FBXO41: variants seen among roughly 807,000 people sequenced by gnomAD.
FBXO41 encodes F-box protein 41, also known as F-box only protein 41.
A neutral mutation model predicts 81.6 loss-of-function variants in FBXO41; 33 were observed. That is an observed-to-expected ratio of 0.40 (90% CI 0.31 to 0.54). The LOEUF (loss-of-function observed/expected upper bound fraction) is 0.54. Ranked by LOEUF, FBXO41 falls within the 20% of genes least tolerant of loss-of-function variation. The pLI is 0.39. For missense variants in FBXO41, 1,107 were observed against 1,236.0 expected, an observed-to-expected ratio of 0.90 and a Z score of 1.56; for synonymous variants, 576 against 552.7, an observed-to-expected ratio of 1.04 and a Z score of -0.59.
rs1272961338 is a variant in FBXO41, at chr2:73,280,873, G to C, written c.-139+3287C>G. ...CAGTAGATATCAGTATGTTGTTAGA[G>C]GAATCACACTGAATAATGGAGAAAT... is the stretch of plus-strand genomic sequence containing the variant. On this transcript the variant is annotated intron_variant, in intron 1 of 12. Transcript: ENST00000520530. Among the ~76,000 whole-genome samples the C allele has an allele frequency of 3.9e-5, 6 of 152,182 alleles. 1 individual carries two copies. The highest frequency in any genetic ancestry group is 8.8e-5 in the Non-Finnish European group (6 of 68,034).
intron 1 of FBXO41, chr2:73,271,346 C>A (rs1386427754): frequency 5.2e-6 from 1 of 193,366 alleles, no homozygotes; most frequent in East Asian, 1.4e-4. Flanking sequence ...ATAGACCTGG[C>A]AAATCAGTCG....
At position 73,269,032 on chromosome 2, in the gene FBXO41, T is replaced by C. The variant is rs1688387923; in HGVS notation, c.599A>G (p.Glu200Gly). ...GCGGATCTTGAGGCGCGCCAGGCCC[T>C]CTTCGTAGGCCACATCAGCGGGTGA... ...SPSPADVAYE[E>G]GLARLKIRAL... The change falls in exon 2 of 13, where the codon GAG becomes GGG. Residue 200 changes from glutamate to glycine, a missense_variant. Glu to Gly is a moderately conservative substitution (Grantham distance 98). This residue lies in a region of FBXO41 where 771 missense variants were observed against 789.2 expected (regional missense o/e 0.98). Coordinates refer to ENST00000520530, the MANE Select transcript of FBXO41 (RefSeq NM_001371389.2). This position sits in a 1 kb window ranked among gnomAD's most constrained non-coding sequence, Gnocchi z 7.0. 1 of 1,537,206 alleles carries C rather than the reference T, an allele frequency of 6.5e-7. No homozygotes were observed. Among genetic ancestry groups the C allele is most frequent in the Non-Finnish European group, 8.7e-7 (1 of 1,145,986 alleles).
At chr2:73,271,421 G>A (rs1174680273) in intron 1 of FBXO41, 1 of 153,518 alleles carries the variant, frequency 6.5e-6, no homozygotes, top group Non-Finnish European at 1.4e-5. Context: ...AATGACTGAG[G>A]GAAAGCATTG....
chr2:73,264,360 A>G lies in FBXO41; in HGVS notation c.1724T>C (p.Val575Ala). 6.2e-7 allele frequency: 1 copy of G among 1,613,708 alleles called. No homozygotes were observed. The highest frequency in any genetic ancestry group is 8.5e-7 in the Non-Finnish European group (1 of 1,179,892). The stretch of plus-strand genomic sequence containing the variant: ...GGCCACGAAGCGCCAGTCCCGGCAG[A>G]CCTCGGCAGCATGCAGCAGTGTGCG... ...DTRTLLHAAE[V>A]CRDWRFVARH... is the part of the protein sequence containing the mutation. Residue 575 changes from valine (V) to alanine (A), a missense_variant, in exon 6 of 13, where the codon GTC becomes GCC. Transcript: ENST00000520530.
Position 73,260,905 on chromosome 2 carries a change from G to T in FBXO41, c.2172-47C>A. 6.8e-7 allele frequency: 1 copy of T among 1,480,204 alleles called. No homozygotes were observed. The highest frequency in any genetic ancestry group is 2.5e-5 in the East Asian group (1 of 40,346). The allele number at this position is 1,480,204 out of a possible 1,614,324, so 91.7% of individuals were successfully genotyped here. ...CCGTCAGGGAAGTCTCTGGATGCTTGATAACCCAGCATGCTCCTCCTGTGG... is the reference window on the plus strand; with the variant it reads ...CCGTCAGGGAAGTCTCTGGATGCTTTATAACCCAGCATGCTCCTCCTGTGG... On this transcript the variant is annotated intron_variant, in intron 9 of 12. Coordinates refer to ENST00000520530, the MANE Select transcript of FBXO41 (RefSeq NM_001371389.2). The surrounding 1 kb of genome is among the most constrained non-coding windows in gnomAD (Gnocchi z 5.0).
rs1688262681 is a variant in FBXO41, at chr2:73,266,061, G to C, written c.1132-95C>G. 9.3e-7 allele frequency: 1 copy of C among 1,071,272 alleles called. No homozygotes were observed. Among genetic ancestry groups the C allele is most frequent in the Non-Finnish European group, 1.4e-6 (1 of 719,420 alleles). The allele number at this position is 1,071,272 out of a possible 1,614,324, so 66.4% of individuals were successfully genotyped here. On this transcript the variant is annotated intron_variant, in intron 3 of 12. Transcript: ENST00000520530. The surrounding 1 kb of genome is among the most constrained non-coding windows in gnomAD (Gnocchi z 5.3). The stretch of plus-strand genomic sequence containing the variant: ...GGGAAACAGGGCAAAAGATGGAGAG[G>C]AGATGGGGGAGAGGAGAGAGAAGGG...
In FBXO41 at chr2:73,266,743, A is replaced by G. The variant is rs1338198130; in HGVS notation, c.906-61T>C. The G allele has an allele frequency of 2.2e-5, 32 of 1,480,772 alleles. No individual in the cohort carries two copies. The highest frequency in any genetic ancestry group is 2.8e-5 in the Non-Finnish European group (31 of 1,118,746). The allele number at this position is 1,480,772 out of a possible 1,614,324, so 91.7% of individuals were successfully genotyped here. A position where few individuals can be genotyped will look rare whatever the true frequency, so the allele number is the denominator to read the frequency against. ...GCCTGCCTGCCCACCCACCCTCTGG[A>G]GGAGAGCCTGGCCAGTGCGGGGAGA... On this transcript the variant is annotated intron_variant, in intron 2 of 12. Coordinates refer to ENST00000520530, the MANE Select transcript of FBXO41 (RefSeq NM_001371389.2). The surrounding 1 kb of genome is among the most constrained non-coding windows in gnomAD (Gnocchi z 5.3).
intron 9 of FBXO41, among the ~76,000 whole-genome samples, chr2:73,261,563 C>T (rs1688022036): frequency 6.6e-6 from 1 of 152,236 alleles, no homozygotes; most frequent in African/African-American, 2.4e-5. Context: ...GACATGGTCT[C>T]TACCCTCAAA....
chr2:73,283,872 C>A (rs1481943103), intron 1 of FBXO41, among the ~76,000 whole-genome samples: 1 of 152,118 alleles, frequency 6.6e-6, no homozygotes, highest in Non-Finnish European at 1.5e-5. Context: ...GGTCCAGAGT[C>A]CCAGTGGGGT....
intron 2 of FBXO41, among the ~76,000 whole-genome samples, chr2:73,268,506 G>C (rs1688362566): frequency 6.6e-6 from 1 of 152,128 alleles, no homozygotes; most frequent in African/African-American, 2.4e-5. Context: ...GAACGAGAAA[G>C]GCAGACTTCA....
chr2:73,263,192 C>T (rs1487786528), intron 9 of FBXO41, 21 bp downstream of exon 9: 2 of 1,550,012 alleles, frequency 1.3e-6, no homozygotes, highest in East Asian at 4.9e-5. Context: ...CCTCCTATCC[C>T]CCAAACCTGC....
Position 73,259,321 on chromosome 2 carries a change from G to T in FBXO41, c.2450-25C>A, listed in dbSNP as rs1687925991. 2 of 1,598,650 alleles carry T rather than the reference G, an allele frequency of 1.3e-6. No individual in the cohort carries two copies. Among genetic ancestry groups the T allele is most frequent in the Admixed American group, 1.7e-5 (1 of 59,972 alleles). Reference sequence around the variant, plus strand: ...CCTGAGAAAAGGTGAGCAAAGTAGGGGCGTGTTTGGCCTGGGCTGTGGAGC... The same window carrying T: ...CCTGAGAAAAGGTGAGCAAAGTAGGTGCGTGTTTGGCCTGGGCTGTGGAGC... On this transcript the variant is annotated intron_variant, in intron 11 of 12. Transcript: ENST00000520530. This position sits in a 1 kb window ranked among gnomAD's most constrained non-coding sequence, Gnocchi z 4.2.
chr2:73,270,659 C>T (rs1049513787), intron 1 of FBXO41, among the ~76,000 whole-genome samples: 1 of 152,124 alleles, frequency 6.6e-6, no homozygotes, highest in Admixed American at 6.5e-5. Flanking sequence ...ACCCCAAGGG[C>T]TTTATTATCC....
Position 73,260,958 on chromosome 2 carries a change from C to T in FBXO41, c.2172-100G>A, listed in dbSNP as rs150524078. On this transcript the variant is annotated intron_variant, in intron 9 of 12. Coordinates refer to ENST00000520530, the MANE Select transcript of FBXO41 (RefSeq NM_001371389.2). This position sits in a 1 kb window ranked among gnomAD's most constrained non-coding sequence, Gnocchi z 5.0. Reference sequence around the variant, plus strand: ...CCCCTCCCTGACTCAGGCAAGCATTCCTCCAACAACCCAGCAGGTCAAGTC... The same window carrying T: ...CCCCTCCCTGACTCAGGCAAGCATTTCTCCAACAACCCAGCAGGTCAAGTC... 2,061 of 931,904 alleles carry T rather than the reference C, an allele frequency of 2.2e-3. 64 individuals carry two copies. The East Asian group carries it at 0.042, about 19-fold the overall frequency. 57.7% of individuals were successfully genotyped at this position (931,904 alleles called of 1,614,324 possible). A position where few individuals can be genotyped will look rare whatever the true frequency, so the allele number is the denominator to read the frequency against.
Position 73,268,972 on chromosome 2 carries a change from TCCAGCCGCC to T in FBXO41, c.650_658del (p.Arg217_Glu220delinsGln). 1.3e-6 allele frequency: 2 copies of T among 1,538,124 alleles called. No individual in the cohort carries two copies. The highest frequency in any genetic ancestry group is 1.2e-5 in the South Asian group (1 of 84,008). On this transcript the variant is annotated inframe_deletion, in exon 2 of 13. Coordinates refer to ENST00000520530, the MANE Select transcript of FBXO41 (RefSeq NM_001371389.2). ...CTGCTCCACCTCCTCGCTCAGCCGC[TCCAGCCGCC>T]GGTCCACCTCCAGCTTCTCCAGCGC...
At chr2:73,267,849 T>C (rs1393777114) in intron 2 of FBXO41, among the ~76,000 whole-genome samples, 2 of 152,018 alleles carry the variant, frequency 1.3e-5, no homozygotes, top group Admixed American at 6.6e-5. Flanking sequence ...CTCATGTAAT[T>C]TGTTGAATAC....
rs531081940 is a variant in FBXO41, at chr2:73,272,651, G to A, written c.-138-2883C>T. On this transcript the variant is annotated intron_variant, in intron 1 of 12. Coordinates refer to ENST00000520530, the MANE Select transcript of FBXO41 (RefSeq NM_001371389.2). ...TTGGAGTTTGCTTTGCCCTGTGGCA[G>A]AGGCCCAGTTAGAGGCTGCAGAACC... is the stretch of plus-strand genomic sequence containing the variant. Among the ~76,000 whole-genome samples, 3 of 152,346 alleles carry A rather than the reference G, an allele frequency of 2.0e-5. No individual in the cohort carries two copies. The South Asian group carries it at 6.2e-4, about 32-fold the overall frequency.
chr2:73,270,158 A>C lies in FBXO41; in HGVS notation c.-138-390T>G, dbSNP rs533078902. On this transcript the variant is annotated intron_variant, in intron 1 of 12. Transcript: ENST00000520530. ...TCCATCCAATATTATGTTGCATGAA[A>C]GAAGCCAGACCAAAGAGTGCATGCT... Among the ~76,000 whole-genome samples, 7 of 152,330 alleles carry C rather than the reference A, an allele frequency of 4.6e-5. 1 individual carries two copies. In the East Asian group the frequency reaches 1.4e-3, roughly 29 times the overall value.
rs1337708778 is a variant in FBXO41 at position 73,265,629 on chromosome 2, C to T, written c.1217G>A (p.Arg406His). 1.3e-5 allele frequency: 20 copies of T among 1,513,020 alleles called. No homozygotes were observed. The highest frequency in any genetic ancestry group is 2.7e-5 in the South Asian group (2 of 74,066). The allele number at this position is 1,513,020 out of a possible 1,614,324, so 93.7% of individuals were successfully genotyped here. A position where few individuals can be genotyped will look rare whatever the true frequency, so the allele number is the denominator to read the frequency against. ...TGAGCTCTGGGATGCGGCTGGCACA[C>T]GGCTGGAGGCCCTGGGGCAGGGTGG... ...GSSPSTGASSRVPAASQSSGC... is the reference protein window; with the variant it reads ...GSSPSTGASSHVPAASQSSGC... Residue 406 changes from arginine (R) to histidine (H), a missense_variant, in exon 5 of 13, where the codon CGT becomes CAT. Arg to His is a conservative substitution (Grantham distance 29). Coordinates refer to ENST00000520530, the MANE Select transcript of FBXO41 (RefSeq NM_001371389.2).
Sources: allele counts gnomAD v4.1 joint callset (sites outside exome capture counted in the v4.1 genomes callset), GRCh38; gene constraint gnomAD v4.1.1; regional missense constraint gnomAD v4.1.1; non-coding constraint Gnocchi (gnomAD v3.1); transcripts MANE v1.5; gene names NCBI Gene and HGNC (gene_info 2026-07-23, HGNC 2026-07-21).